Variants in GTF2F2 observed in about 807,000 individuals in gnomAD.
GTF2F2 encodes general transcription factor IIF subunit 2.
Under a neutral mutation model 42.2 loss-of-function variants are expected in GTF2F2, and 23 were observed. That is an observed-to-expected ratio of 0.55 (90% CI 0.39 to 0.77). The LOEUF (loss-of-function observed/expected upper bound fraction) is 0.77, where lower values mean the gene tolerates loss of function less well. GTF2F2 is among the 30% of genes least tolerant of loss of function. The pLI, the probability that GTF2F2 is intolerant of heterozygous loss-of-function variation, is 0.00. For missense variants in GTF2F2, 261 were observed against 287.2 expected (o/e 0.91, Z 0.66); for synonymous variants, 105 against 100.8 (o/e 1.04, Z -0.25).
chr13:45,209,987 C>T (rs1450343757), intron 5 of GTF2F2, among the ~76,000 whole-genome samples: 2 of 152,182 alleles, frequency 1.3e-5, no homozygotes, highest in African/African-American at 2.4e-5. Flanking sequence ...CCCCCATGAA[C>T]TGCCATTATT....
intron 6 of GTF2F2, among the ~76,000 whole-genome samples, chr13:45,265,031 C>T (rs976739141): frequency 4.6e-5 from 7 of 152,020 alleles, no homozygotes; most frequent in African/African-American, 7.2e-5. Context: ...GAGGCCGAGG[C>T]GGGCGGATCA....
intron 4 of GTF2F2, among the ~76,000 whole-genome samples, chr13:45,185,100 G>A (rs1276271577): frequency 1.3e-5 from 2 of 152,072 alleles, no homozygotes; most frequent in Non-Finnish European, 2.9e-5. Flanking sequence ...CTGGATTATA[G>A]GTGCGACACC....
Position 45,283,679 on chromosome 13 carries a change from T to G in GTF2F2, c.*118T>G. ...AGGGGTTAAGTGACAGTACTTTGAT[T>G]TCTCTCGGTAAATTTTTTAAACCTG... is the stretch of plus-strand genomic sequence containing the variant. On this transcript the variant is annotated 3_prime_UTR_variant, in exon 8 of 8. Coordinates refer to ENST00000340473, the MANE Select transcript of GTF2F2 (RefSeq NM_004128.3). 2.6e-6 allele frequency: 2 copies of G among 763,484 alleles called. No individual in the cohort carries two copies. The highest frequency in any genetic ancestry group is 3.7e-6 in the Non-Finnish European group (2 of 535,752). 47.3% of individuals were successfully genotyped at this position (763,484 alleles called of 1,614,324 possible). A position where few individuals can be genotyped will look rare whatever the true frequency, so the allele number is the denominator to read the frequency against.
chr13:45,196,172 C>T (rs1381295663), intron 4 of GTF2F2, among the ~76,000 whole-genome samples: 1 of 152,090 alleles, frequency 6.6e-6, no homozygotes, highest in African/African-American at 2.4e-5. Context: ...ATCAAAAGTT[C>T]GTTGAAATCG....
intron 4 of GTF2F2, chr13:45,193,864 C>T: frequency 6.2e-7 from 1 of 1,614,052 alleles, no homozygotes; most frequent in Non-Finnish European, 8.5e-7. Context: ...CAGTCTAAAG[C>T]CACACTTTAA....
At chr13:45,180,196 TAA>T (rs1252128399) in intron 4 of GTF2F2, among the ~76,000 whole-genome samples, 5 of 152,210 alleles carry the variant, frequency 3.3e-5, no homozygotes, top group Admixed American at 6.5e-5. Context: ...AAATTATAAA[TAA>T]GTTTGTACTT....
chr13:45,265,239 A>G (rs1200649284), intron 6 of GTF2F2, among the ~76,000 whole-genome samples: 4 of 151,770 alleles, frequency 2.6e-5, no homozygotes, highest in East Asian at 3.9e-4. Context: ...AGCCTGGGCA[A>G]TAGAGTGAGA....
chr13:45,235,630 C>G (rs537894407), intron 5 of GTF2F2, among the ~76,000 whole-genome samples: 2 of 151,946 alleles, frequency 1.3e-5, no homozygotes, highest in East Asian at 3.9e-4. Flanking sequence ...CGCTGTGTTG[C>G]CCAGGCTGCA....
At chr13:45,273,655 A>ATTTTTTTTTTTTTTTTTTTTTTTTTTTT (rs773254844) in intron 7 of GTF2F2, among the ~76,000 whole-genome samples, 3 of 123,884 alleles carry the variant, frequency 2.4e-5, no homozygotes, top group Admixed American at 8.2e-5. Flanking sequence ...GAGTGGTAAA[A>ATTTTTTTTTTTTTTTTTTTTTTTTTTTT]TTTTTTTTTT....
Position 45,267,328 on chromosome 13 carries a change from T to C in GTF2F2, c.582T>C (p.His194=), listed in dbSNP as rs1566156579. 2 of 1,610,690 alleles carry C rather than the reference T, an allele frequency of 1.2e-6. No homozygotes were observed. Among genetic ancestry groups the C allele is most frequent in the African/African-American group, 1.3e-5 (1 of 74,920 alleles). ...LDMLFSAFEK[H]QYYNLKDLVD... ...TGCTATTTTCAGCCTTTGAGAAACA[T>C]CAATACTATAATCTTAAGGACTTGG... Residue 194 remains histidine, a synonymous_variant, in exon 7 of 8, where the codon CAT becomes CAC. Coordinates refer to ENST00000340473, the MANE Select transcript of GTF2F2 (RefSeq NM_004128.3).
intron 4 of GTF2F2, among the ~76,000 whole-genome samples, chr13:45,153,119 C>T (rs1259816623): frequency 6.6e-6 from 1 of 151,668 alleles, no homozygotes; most frequent in Non-Finnish European, 1.5e-5. Context: ...ACGCCATTCT[C>T]CTGCCTCAGC....
chr13:45,189,105 A>C (rs1872534011), intron 4 of GTF2F2, among the ~76,000 whole-genome samples: 1 of 151,852 alleles, frequency 6.6e-6, no homozygotes, highest in African/African-American at 2.4e-5. Flanking sequence ...CCCTGTGTCC[A>C]AGTGTTCTCA....
intron 7 of GTF2F2, among the ~76,000 whole-genome samples, chr13:45,271,245 T>G (rs1247808671): frequency 9.3e-5 from 14 of 150,850 alleles, no homozygotes; most frequent in Non-Finnish European, 1.8e-4. Flanking sequence ...GAGCGGAGAT[T>G]GCGCCACTGC....
intron 1 of GTF2F2, among the ~76,000 whole-genome samples, chr13:45,122,335 G>C (rs961170194): frequency 6.6e-6 from 1 of 152,032 alleles, no homozygotes; most frequent in Non-Finnish European, 1.5e-5. Context: ...GTCACAATTA[G>C]AAAATTATCA....
chr13:45,247,843 TTGTC>T (rs113878156), intron 5 of GTF2F2, among the ~76,000 whole-genome samples: 7,118 of 152,168 alleles, frequency 0.047, 480 homozygotes, highest in African/African-American at 0.15. Context: ...TTGTTGTTGT[TTGTC>T]TGTTCATTTG....
chr13:45,180,945 T>G (rs949981308), intron 4 of GTF2F2, among the ~76,000 whole-genome samples: 1 of 151,972 alleles, frequency 6.6e-6, no homozygotes, highest in Non-Finnish European at 1.5e-5. Flanking sequence ...GAGGATCACT[T>G]GAGCCCAGGA....
rs1181756138 is a variant in GTF2F2 at position 45,191,234 on chromosome 13, T to A, written c.305-16190T>A. On this transcript the variant is annotated intron_variant, in intron 4 of 7. Transcript: ENST00000340473. ...AAAATACAAAAAAAAAATATATATA[T>A]ATATATATATATATATATATAGCCA... 3.8e-3 allele frequency among the ~76,000 whole-genome samples: 449 copies of A among 119,638 alleles called. 27 individuals carry two copies. Among genetic ancestry groups the A allele is most frequent in the African/African-American group, 0.014 (369 of 27,298 alleles). The allele number at this position is 119,638 out of a possible 152,430, so 78.5% of individuals were successfully genotyped here.
intron 5 of GTF2F2, among the ~76,000 whole-genome samples, chr13:45,243,618 A>G (rs777860468): frequency 1.6e-4 from 25 of 152,092 alleles, no homozygotes; most frequent in Non-Finnish European, 3.1e-4. Context: ...TAGTGGTTTT[A>G]CTGTTTTTTT....
intron 4 of GTF2F2, among the ~76,000 whole-genome samples, chr13:45,152,103 C>G (rs1044354934): frequency 6.6e-6 from 1 of 151,968 alleles, no homozygotes; most frequent in South Asian, 2.1e-4. Flanking sequence ...TTAGTAGAGA[C>G]GAGGTTTCTC....
Sources: gnomAD v4.1 joint callset for allele counts (sites outside exome capture counted in the v4.1 genomes callset) on GRCh38, gnomAD v4.1.1 for gene constraint, MANE v1.5 for transcripts, NCBI Gene and HGNC (gene_info 2026-07-23, HGNC 2026-07-21) for gene names.